ARID4B: variants seen among roughly 807,000 people sequenced by gnomAD.
ARID4B encodes the protein AT-rich interaction domain 4B, also known as AT-rich interactive domain-containing protein 4B.
Under a neutral mutation model 147.5 loss-of-function variants are expected in ARID4B, and 26 were observed. The ratio of observed to expected loss-of-function variants is 0.18; its 90% CI spans 0.13 to 0.24. ARID4B has a LOEUF of 0.24. ARID4B is among the 10% of genes least tolerant of loss of function. ARID4B has a pLI of 1.00. For missense variants in ARID4B, 1,179 were observed against 1,511.5 expected (o/e 0.78, Z 3.65); for synonymous variants, 512 against 507.9 (o/e 1.01, Z -0.11).
intron 8 of ARID4B, among the ~76,000 whole-genome samples, chr1:235,236,421 T>C (rs1477192720): frequency 6.6e-6 from 1 of 152,058 alleles, no homozygotes; most frequent in African/African-American, 2.4e-5. Flanking sequence ...GTGAGAAGCT[T>C]AAATTAATAA....
chr1:235,200,257 G>A (rs1354098075), intron 17 of ARID4B, among the ~76,000 whole-genome samples: 2 of 152,108 alleles, frequency 1.3e-5, no homozygotes, highest in African/African-American at 2.4e-5. Flanking sequence ...TCAGGAGTTC[G>A]AGACCAGCCT....
intron 22 of ARID4B, 56 bp downstream of exon 22, chr1:235,175,123 TAAAAC>T (rs1663768423): frequency 6.8e-7 from 1 of 1,471,392 alleles, no homozygotes; most frequent in Non-Finnish European, 9.5e-7. Flanking sequence ...AAAAACAAAA[TAAAAC>T]AAAAAGAGTT....
intron 8 of ARID4B, among the ~76,000 whole-genome samples, chr1:235,238,051 G>T (rs532225243): frequency 6.6e-6 from 1 of 151,476 alleles, no homozygotes; most frequent in Non-Finnish European, 1.5e-5. Flanking sequence ...GGCTGAGGCA[G>T]GAGGATCACT....
At chr1:235,241,600 G>A (rs1204378284) in intron 7 of ARID4B, among the ~76,000 whole-genome samples, 1 of 152,074 alleles carries the variant, frequency 6.6e-6, no homozygotes, top group East Asian at 1.9e-4. Context: ...CTCACTGCAA[G>A]CTCCGCCTCC....
chr1:235,203,236 T>C (rs188669956), intron 17 of ARID4B, among the ~76,000 whole-genome samples: 20 of 152,300 alleles, frequency 1.3e-4, no homozygotes, highest in Admixed American at 3.9e-4. Context: ...TACAGATGCA[T>C]TGGCAAATTA....
At chr1:235,242,265 T>C (rs1047132812) in intron 7 of ARID4B, among the ~76,000 whole-genome samples, 1 of 148,802 alleles carries the variant, frequency 6.7e-6, no homozygotes, top group Non-Finnish European at 1.5e-5. Flanking sequence ...AAAAAAAAGA[T>C]GTATTGTACT....
rs761785793 is a variant in ARID4B, at chr1:235,231,155, T to G, written c.700A>C (p.Thr234Pro). Residue 234 changes from threonine (T) to proline (P), a missense_variant, in exon 10 of 24, where the codon ACT (threonine) becomes CCT (proline). Transcript: ENST00000264183. Reference sequence around the variant, plus strand: ...TCAGGCTTTGGTGCAGTGTCACTAGTAATTTCATGGACATCTTTTCTTGGA... The same window carrying G: ...TCAGGCTTTGGTGCAGTGTCACTAGGAATTTCATGGACATCTTTTCTTGGA... Reference protein sequence around the residue: ...SVPRKDVHEITSDTAPKPDAV... With the variant: ...SVPRKDVHEIPSDTAPKPDAV... 1 of 1,591,954 alleles carries G rather than the reference T, an allele frequency of 6.3e-7. No homozygotes were observed. Among genetic ancestry groups the G allele is most frequent in the Non-Finnish European group, 8.5e-7 (1 of 1,171,460 alleles).
At chr1:235,291,601 C>T (rs976561973) in intron 2 of ARID4B, among the ~76,000 whole-genome samples, 4 of 151,316 alleles carry the variant, frequency 2.6e-5, no homozygotes, top group Admixed American at 6.6e-5. Context: ...TTTGGGAGGC[C>T]GAGGTGGGCA....
Position 235,309,556 on chromosome 1 carries a change from G to A in ARID4B, c.6+17358C>T, listed in dbSNP as rs1298548719. Among the ~76,000 whole-genome samples, 5 of 148,586 alleles carry A rather than the reference G, an allele frequency of 3.4e-5. No individual in the cohort carries two copies. The South Asian group carries it at 6.4e-4, about 19-fold the overall frequency. On this transcript the variant is annotated intron_variant, in intron 2 of 23. Coordinates refer to ENST00000264183, the MANE Select transcript of ARID4B (RefSeq NM_016374.6). ...CCCCGTCCGGGAGGGAGGTGGGGGG[G>A]TCAGCCCCCCGCCCGGTCAGCCGCC...
intron 23 of ARID4B, 125 bp from the exon 24 acceptor site, chr1:235,168,777 A>G (rs576274816): frequency 1.0e-6 from 1 of 995,922 alleles, no homozygotes; most frequent in South Asian, 1.7e-5. Context: ...TTACAACAAC[A>G]GTGGTCAATT....
At chr1:235,267,542 G>A (rs541331769) in intron 2 of ARID4B, among the ~76,000 whole-genome samples, 4 of 152,148 alleles carry the variant, frequency 2.6e-5, no homozygotes, top group South Asian at 4.2e-4. Flanking sequence ...AGGAAATGAA[G>A]AAAACCATGG....
rs777878948 is a variant in ARID4B at position 235,219,838 on chromosome 1, G to T, written c.1538C>A (p.Ser513Tyr). The T allele has an allele frequency of 3.1e-6, 5 of 1,601,974 alleles. No individual in the cohort carries two copies. The highest frequency in any genetic ancestry group is 1.3e-5 in the African/African-American group (1 of 74,086). ...CTCAGCTTCTACCTTTATGTTGAGG[G>T]ATTCATCTACCCTAGTTGTGTCATC... is the stretch of plus-strand genomic sequence containing the variant. ...KDDDTTRVDESLNIKVEAEEE... is the reference protein window; with the variant it reads ...KDDDTTRVDEYLNIKVEAEEE... Residue 513 changes from serine (S) to tyrosine (Y), a missense_variant, in exon 16 of 24, where the codon TCC becomes TAC. Around this residue, in one of 10 missense-constraint regions of ARID4B, gnomAD observed 204 missense variants for 210.9 expected, o/e 0.97. Transcript: ENST00000264183.
At chr1:235,236,833 AATATATATATAT>A (rs1553299956) in intron 8 of ARID4B, among the ~76,000 whole-genome samples, 1 of 33,522 alleles carries the variant, frequency 3.0e-5, no homozygotes, top group Non-Finnish European at 4.7e-5. Flanking sequence ...TTTTATAAAA[AATATATATATAT>A]ATATATATAT....
intron 2 of ARID4B, among the ~76,000 whole-genome samples, chr1:235,271,005 T>A (rs1483392811): frequency 1.3e-5 from 2 of 151,984 alleles, no homozygotes; most frequent in Non-Finnish European, 2.9e-5. Context: ...TTTTTTAGTA[T>A]AACAAGTCAC....
At chr1:235,304,009 G>A (rs1673372917) in intron 2 of ARID4B, among the ~76,000 whole-genome samples, 1 of 152,144 alleles carries the variant, frequency 6.6e-6, no homozygotes, top group Non-Finnish European at 1.5e-5. Flanking sequence ...AGCAAGCAAT[G>A]AAGTAAATGT....
intron 8 of ARID4B, 74 bp from the exon 9 acceptor site, chr1:235,234,566 T>C: frequency 9.6e-7 from 1 of 1,044,526 alleles, no homozygotes; most frequent in South Asian, 1.5e-5. Context: ...ATTTAAATCC[T>C]TTTAAAAAGT....
At chr1:235,250,225 G>A (rs1004626018) in intron 6 of ARID4B, among the ~76,000 whole-genome samples, 1 of 152,178 alleles carries the variant, frequency 6.6e-6, no homozygotes, top group African/African-American at 2.4e-5. Context: ...ATTAATTTCA[G>A]TAGTTTATTA....
chr1:235,322,016 T>C (rs533246503), intron 2 of ARID4B, among the ~76,000 whole-genome samples: 4 of 152,040 alleles, frequency 2.6e-5, no homozygotes, highest in African/African-American at 4.8e-5. Context: ...TGGTTCCATG[T>C]AGTTTTCAAG....
intron 2 of ARID4B, among the ~76,000 whole-genome samples, chr1:235,309,704 T>A (rs1673908126): frequency 6.6e-6 from 1 of 151,570 alleles, no homozygotes; most frequent in African/African-American, 2.4e-5. Flanking sequence ...CGGGCCATGA[T>A]GACAATGGCG....
Sources: allele counts gnomAD v4.1 joint callset (sites outside exome capture counted in the v4.1 genomes callset), GRCh38; gene constraint gnomAD v4.1.1; regional missense constraint gnomAD v4.1.1; transcripts MANE v1.5; gene names NCBI Gene and HGNC (gene_info 2026-07-23, HGNC 2026-07-21).